Variants in SEMA5B observed in about 807,000 individuals in gnomAD.
SEMA5B encodes semaphorin 5B, also known as semaphorin-5B.
Under a neutral mutation model 135.0 loss-of-function variants are expected in SEMA5B, and 66 were observed. That is an observed-to-expected ratio of 0.49 (90% CI 0.40 to 0.60). The LOEUF is 0.60. Ranked by LOEUF, SEMA5B falls within the 20% of genes least tolerant of loss-of-function variation. The pLI is 0.00. For missense variants in SEMA5B, 1,501 were observed against 1,566.3 expected (o/e 0.96, Z 0.70); for synonymous variants, 690 against 639.5 (o/e 1.08, Z -1.19).
At chr3:123,024,061 T>C (rs1338144967) in intron 1 of SEMA5B, among the ~76,000 whole-genome samples, 1 of 152,262 alleles carries the variant, frequency 6.6e-6, no homozygotes, top group Non-Finnish European at 1.5e-5. Context: ...GCACTTCTAA[T>C]CAGGGATCTT....
At chr3:122,960,052 A>G (rs1374343640) in intron 2 of SEMA5B, among the ~76,000 whole-genome samples, 3 of 152,164 alleles carry the variant, frequency 2.0e-5, no homozygotes, top group Non-Finnish European at 4.4e-5. Context: ...GAAACATTTC[A>G]CTATCAGATA....
In SEMA5B at chr3:122,910,865, T is replaced by C. The variant is rs765604862; in HGVS notation, c.3272A>G (p.Glu1091Gly). 3.1e-6 allele frequency: 5 copies of C among 1,612,268 alleles called. No homozygotes were observed. Among genetic ancestry groups the C allele is most frequent in the Non-Finnish European group, 4.2e-6 (5 of 1,179,824 alleles). Reference protein sequence around the residue: ...HYKGGGTPKNEKYTPMEFKTL... With the variant: ...HYKGGGTPKNGKYTPMEFKTL... ...CTTGAATTCCATGGGTGTGTACTTT[T>C]CATTCTTCGGGGTGCCTCCGCCCTT... Residue 1091 changes from glutamate to glycine, a missense_variant, in exon 22 of 23, where the codon GAA (glutamate) becomes GGA (glycine). Coordinates refer to ENST00000357599, the MANE Select transcript of SEMA5B (RefSeq NM_001031702.4).
chr3:123,024,572 G>T (rs1032006599), intron 1 of SEMA5B, among the ~76,000 whole-genome samples: 4 of 152,194 alleles, frequency 2.6e-5, no homozygotes, highest in African/African-American at 4.8e-5. Context: ...GATGTGATGT[G>T]CTCAGATTTG....
At chr3:122,923,356 T>C (rs1193209891) in intron 10 of SEMA5B, among the ~76,000 whole-genome samples, 1 of 152,216 alleles carries the variant, frequency 6.6e-6, no homozygotes, top group Non-Finnish European at 1.5e-5. Context: ...GAGGTCCCAC[T>C]TCCCTGCCTC....
At chr3:122,926,338 G>T in intron 9 of SEMA5B, 54 bp downstream of exon 9, 2 of 1,538,778 alleles carry the variant, frequency 1.3e-6, no homozygotes, top group Non-Finnish European at 1.8e-6. Context: ...AGGCCATGAG[G>T]CCAGGCCAGC....
chr3:122,947,428 C>G (rs1298507790), intron 3 of SEMA5B, among the ~76,000 whole-genome samples: 1 of 152,174 alleles, frequency 6.6e-6, no homozygotes, highest in East Asian at 1.9e-4. Flanking sequence ...TCCCACCTCT[C>G]AAATCCTAGG....
At chr3:123,015,777 C>T (rs1475827418) in intron 1 of SEMA5B, among the ~76,000 whole-genome samples, 1 of 152,216 alleles carries the variant, frequency 6.6e-6, no homozygotes, top group Non-Finnish European at 1.5e-5. Context: ...CAAGACTCCA[C>T]CTGCTGACCA....
chr3:123,019,044 T>G (rs1942620296), intron 1 of SEMA5B, among the ~76,000 whole-genome samples: 1 of 152,118 alleles, frequency 6.6e-6, no homozygotes, highest in South Asian at 2.1e-4. Flanking sequence ...TCTACTGCTA[T>G]TTGTACTGAG....
intron 1 of SEMA5B, among the ~76,000 whole-genome samples, chr3:123,003,838 A>C (rs1337465310): frequency 1.5e-4 from 2 of 13,184 alleles, no homozygotes; most frequent in African/African-American, 3.6e-3. Flanking sequence ...TTATCTCAAT[A>C]AATAAATAAA....
chr3:122,933,045 A>G (rs1434759870), intron 5 of SEMA5B, among the ~76,000 whole-genome samples: 1 of 152,096 alleles, frequency 6.6e-6, no homozygotes, highest in Non-Finnish European at 1.5e-5. Context: ...TACTGCATGC[A>G]CAAATGATTC....
intron 2 of SEMA5B, among the ~76,000 whole-genome samples, chr3:122,950,879 C>T (rs1000642581): frequency 2.0e-5 from 3 of 152,204 alleles, no homozygotes; most frequent in Non-Finnish European, 1.5e-5. Context: ...TAGGGTGTAT[C>T]TTCACAATGG....
At chr3:122,954,304 G>T (rs1331021775) in intron 2 of SEMA5B, among the ~76,000 whole-genome samples, 1 of 152,218 alleles carries the variant, frequency 6.6e-6, no homozygotes, top group African/African-American at 2.4e-5. Flanking sequence ...CATGCTGACA[G>T]CTTTCCAGTT....
At chr3:122,965,063 A>G (rs577689130) in intron 1 of SEMA5B, among the ~76,000 whole-genome samples, 1 of 152,140 alleles carries the variant, frequency 6.6e-6, no homozygotes, top group Non-Finnish European at 1.5e-5. Flanking sequence ...TGACTGGCTT[A>G]CTTCAATTAG....
rs114140336 is a variant in SEMA5B at position 122,991,026 on chromosome 3, G to A, written c.-38-29725C>T. Among the ~76,000 whole-genome samples the A allele has an allele frequency of 2.4e-3, 372 of 152,278 alleles. 3 individuals are homozygous for A. Among genetic ancestry groups the A allele is most frequent in the African/African-American group, 8.2e-3 (340 of 41,544 alleles). On this transcript the variant is annotated intron_variant, in intron 1 of 22. Transcript: ENST00000357599. Reference sequence around the variant, plus strand: ...TGCTCCGGATGCTAAACCCATCCTGGCCTTGATGCCACTTTTAGCTTTTGG... The same window carrying A: ...TGCTCCGGATGCTAAACCCATCCTGACCTTGATGCCACTTTTAGCTTTTGG...
intron 1 of SEMA5B, among the ~76,000 whole-genome samples, chr3:123,025,219 G>A (rs796444778): frequency 3.7e-4 from 56 of 152,308 alleles, no homozygotes; most frequent in African/African-American, 1.3e-3. Flanking sequence ...GGTGCTGGCT[G>A]TCCTATCTCA....
chr3:122,923,123 C>G (rs1938453745), intron 10 of SEMA5B, among the ~76,000 whole-genome samples: 1 of 152,180 alleles, frequency 6.6e-6, no homozygotes, highest in Non-Finnish European at 1.5e-5. Flanking sequence ...CCATCAGCAG[C>G]CTCCTCTGCC....
chr3:122,912,388 C>A, intron 18 of SEMA5B, 46 bp from the exon 19 acceptor site: 8 of 1,487,286 alleles, frequency 5.4e-6, no homozygotes, highest in Non-Finnish European at 5.4e-6. Context: ...GCAGCCAGGG[C>A]CCAAGACGGT....
In SEMA5B at chr3:122,913,681, C is replaced by G; in HGVS notation, c.2133G>C (p.Arg711=). The G allele has an allele frequency of 6.2e-7, 1 of 1,613,440 alleles. No homozygotes were observed. Among genetic ancestry groups the G allele is most frequent in the Non-Finnish European group, 8.5e-7 (1 of 1,179,812 alleles). ...GGCAAGGCGTGTTCTCATTACAGAA[C>G]CTGGGGTCGGGGGAGAGGCGTCAAT... The part of the protein sequence containing the change: ...RICVGKSREE[R]FCNENTPCPV... Residue 711 remains arginine, a splice_region_variant and synonymous_variant, in exon 16 of 23, where the codon CGG becomes CGC. Transcript: ENST00000357599.
intron 4 of SEMA5B, among the ~76,000 whole-genome samples, chr3:122,942,745 G>T (rs1002694703): frequency 3.3e-5 from 5 of 152,218 alleles, no homozygotes; most frequent in Admixed American, 3.3e-4. Context: ...TCTGACTCAA[G>T]AGGTCTGAGA....
Sources: gnomAD v4.1 joint callset for allele counts (sites outside exome capture counted in the v4.1 genomes callset) on GRCh38, gnomAD v4.1.1 for gene constraint, MANE v1.5 for transcripts, NCBI Gene and HGNC (gene_info 2026-07-23, HGNC 2026-07-21) for gene names.